Variants in HEPH observed in about 807,000 individuals in gnomAD.
HEPH encodes the protein hephaestin.
A neutral mutation model predicts 80.8 loss-of-function variants in HEPH; 69 were observed. The ratio of observed to expected loss-of-function variants is 0.85; its 90% confidence interval spans 0.70 to 1.04. HEPH has a LOEUF of 1.04. Ranked by LOEUF, HEPH falls within the 50% of genes least tolerant of loss-of-function variation. The probability of loss-of-function intolerance (pLI) is 0.00; values close to 1 mark genes in which losing one functional copy is unlikely to be tolerated. For missense variants in HEPH, 1,115 were observed against 891.3 expected, an observed-to-expected ratio of 1.25 and a Z score of -3.20; for synonymous variants, 431 against 322.8, an observed-to-expected ratio of 1.34 and a Z score of -3.60.
At chrX:66,230,108 T>C (rs1364305352) in intron 15 of HEPH, among the ~76,000 whole-genome samples, 4 of 98,491 alleles carry the variant, frequency 4.1e-5, no homozygotes, top group African/African-American at 1.5e-4. Flanking sequence ...CATGAACTCA[T>C]CATTTTTTAT....
chrX:66,212,221 T>C (rs1325818040), intron 15 of HEPH, among the ~76,000 whole-genome samples: 3 of 109,696 alleles, frequency 2.7e-5, no homozygotes, highest in Non-Finnish European at 5.7e-5. Flanking sequence ...TGCTTGAGTT[T>C]CTTGGTATTC....
At chrX:66,231,667 G>A (rs1369757894) in intron 15 of HEPH, among the ~76,000 whole-genome samples, 1 of 109,403 alleles carries the variant, frequency 9.1e-6, no homozygotes, top group African/African-American at 3.3e-5. Flanking sequence ...TCAGCTTAAG[G>A]AGATTTTGGG....
At chrX:66,174,376 T>C (rs777104508) in intron 4 of HEPH, among the ~76,000 whole-genome samples, 1 of 112,076 alleles carries the variant, frequency 8.9e-6, no homozygotes, top group Non-Finnish European at 1.9e-5. Flanking sequence ...GTCCATCGTA[T>C]ATATGTACCA....
chrX:66,181,989 T>C (rs1227479011), intron 4 of HEPH, among the ~76,000 whole-genome samples: 1 of 110,421 alleles, frequency 9.1e-6, no homozygotes, highest in Admixed American at 9.6e-5. Flanking sequence ...TTCTCAGGTT[T>C]GTCAAAGATA....
chrX:66,177,848 G>A (rs1250083423), intron 4 of HEPH, among the ~76,000 whole-genome samples: 2 of 111,090 alleles, frequency 1.8e-5, no homozygotes, highest in African/African-American at 3.3e-5. Context: ...TTTGATGTAG[G>A]CGTTTAGAGC....
chrX:66,208,813 A>G (rs1157584233), intron 15 of HEPH, among the ~76,000 whole-genome samples: 2 of 106,456 alleles, frequency 1.9e-5, no homozygotes, highest in East Asian at 3.0e-4. Context: ...TCAGATCTCT[A>G]TATACCCTTG....
chrX:66,176,864 T>G (rs2086831327), intron 4 of HEPH, among the ~76,000 whole-genome samples: 1 of 111,779 alleles, frequency 8.9e-6, no homozygotes, highest in South Asian at 3.7e-4. Flanking sequence ...TATTCCATGG[T>G]GTATATGTGA....
Position 66,197,789 on chromosome X carries a change from T to G in HEPH, c.1608T>G (p.Thr536=). The G allele has an allele frequency of 8.3e-7, 1 of 1,211,326 alleles. No homozygotes were observed. The highest frequency in any genetic ancestry group is 1.7e-5 in the African/African-American group (1 of 57,806). Residue 536 remains threonine (T), a synonymous_variant, in exon 10 of 21, where the codon ACT becomes ACG. Coordinates refer to ENST00000343002, the MANE Select transcript of HEPH (RefSeq NM_001367233.3). ...CTGCTCAGGATCCTGCTTGTCTCAC[T>G]TGGATGTACTTCTCTGCTGCAGATC... The part of the protein sequence containing the change: ...GPTAQDPACL[T]WMYFSAADPI...
chrX:66,237,425 T>C (rs150244060), intron 15 of HEPH, among the ~76,000 whole-genome samples: 4 of 112,166 alleles, frequency 3.6e-5, no homozygotes, highest in African/African-American at 1.3e-4. Flanking sequence ...TCAGTTTCCA[T>C]GTAATTGTAT....
intron 15 of HEPH, among the ~76,000 whole-genome samples, chrX:66,250,484 G>T (rs759593794): frequency 3.6e-5 from 4 of 111,248 alleles, no homozygotes; most frequent in Non-Finnish European, 7.6e-5. Flanking sequence ...CCGCAATCAG[G>T]AATTAGAGCA....
At chrX:66,210,548 G>A (rs1375110302) in intron 15 of HEPH, among the ~76,000 whole-genome samples, 2 of 111,161 alleles carry the variant, frequency 1.8e-5, no homozygotes, top group African/African-American at 3.3e-5. Flanking sequence ...CAGAAAAATG[G>A]TGGGGATTGG....
intron 15 of HEPH, among the ~76,000 whole-genome samples, chrX:66,249,606 G>A (rs1276377086): frequency 1.8e-5 from 2 of 111,749 alleles, no homozygotes; most frequent in African/African-American, 6.5e-5. Flanking sequence ...AGGCTGTAGA[G>A]TTTTCTCCAG....
chrX:66,209,059 C>T (rs931872218), intron 15 of HEPH, among the ~76,000 whole-genome samples: 1 of 111,492 alleles, frequency 9.0e-6, no homozygotes, highest in Non-Finnish European at 1.9e-5. Context: ...TACTGGGTGA[C>T]AAGAACAACT....
At position 66,223,626 on chromosome X, in the gene HEPH, G is replaced by A. The variant is rs183758118; in HGVS notation, c.2563+15380G>A. Among the ~76,000 whole-genome samples the A allele has an allele frequency of 4.9e-3, 550 of 111,778 alleles. 2 individuals carry two copies. The highest frequency in any genetic ancestry group is 9.4e-3 in the Middle Eastern group (2 of 212). Reference sequence around the variant, plus strand: ...CATTGTGTTTTTACTTTAATGTCCAGTTCACAGAAAAACTGGATGATACCC... The same window carrying A: ...CATTGTGTTTTTACTTTAATGTCCAATTCACAGAAAAACTGGATGATACCC... On this transcript the variant is annotated intron_variant, in intron 15 of 20. Coordinates refer to ENST00000343002, the MANE Select transcript of HEPH (RefSeq NM_001367233.3).
chrX:66,214,569 TC>T (rs1321948914), intron 15 of HEPH, among the ~76,000 whole-genome samples: 1 of 111,573 alleles, frequency 9.0e-6, no homozygotes, highest in Non-Finnish European at 1.9e-5. Flanking sequence ...ATCAAGTCCT[TC>T]CCAACCCTTG....
chrX:66,196,954 T>C (rs2088136238), intron 9 of HEPH, among the ~76,000 whole-genome samples: 1 of 110,412 alleles, frequency 9.1e-6, no homozygotes, highest in Non-Finnish European at 1.9e-5. Flanking sequence ...CTTTTACATT[T>C]ACACTCTTTA....
chrX:66,265,396 G>A (rs995278113), intron 20 of HEPH, among the ~76,000 whole-genome samples: 1 of 110,540 alleles, frequency 9.0e-6, no homozygotes, highest in African/African-American at 3.3e-5. Context: ...CTTCCTGTCT[G>A]CTAGGTGCTA....
At chrX:66,175,371 C>T (rs1348442673) in intron 4 of HEPH, among the ~76,000 whole-genome samples, 1 of 111,764 alleles carries the variant, frequency 8.9e-6, no homozygotes, top group African/African-American at 3.3e-5. Flanking sequence ...GTCCAAGTGC[C>T]TATTTTTATA....
intron 4 of HEPH, among the ~76,000 whole-genome samples, chrX:66,178,074 C>T (rs1204559125): frequency 9.0e-6 from 1 of 111,688 alleles, no homozygotes; most frequent in African/African-American, 3.3e-5. Context: ...AGGTATATCT[C>T]CTAATGCTAT....
Sources: gnomAD v4.1 joint callset for allele counts (sites outside exome capture counted in the v4.1 genomes callset) on GRCh38, gnomAD v4.1.1 for gene constraint, MANE v1.5 for transcripts, NCBI Gene and HGNC (gene_info 2026-07-23, HGNC 2026-07-21) for gene names.